Variants in CGNL1 observed in about 807,000 individuals in gnomAD.
The protein encoded by CGNL1 is cingulin like 1, also known as cingulin-like protein 1.
In CGNL1, 132 loss-of-function variants were observed where a neutral mutation model predicts 141.2. The ratio of observed to expected loss-of-function variants is 0.93; its 90% CI spans 0.81 to 1.08. CGNL1 has a LOEUF of 1.08. Among genes scored for constraint, CGNL1 ranks in the 50% least tolerant of loss-of-function variants. The probability of loss-of-function intolerance (pLI) is 0.00; values close to 1 mark genes in which losing one functional copy is unlikely to be tolerated. For synonymous variants in CGNL1, 690 were observed against 622.1 expected (o/e 1.11, Z -1.63); for missense variants, 1,870 against 1,588.6 (o/e 1.18, Z -3.01).
intron 8 of CGNL1, among the ~76,000 whole-genome samples, chr15:57,469,296 A>C (rs995636882): frequency 6.6e-6 from 1 of 151,602 alleles, no homozygotes; most frequent in Non-Finnish European, 1.5e-5. Flanking sequence ...TGGAAAGGCT[A>C]ATGAGTTCAT....
intron 4 of CGNL1, among the ~76,000 whole-genome samples, chr15:57,450,063 G>A (rs762273698): frequency 1.4e-4 from 22 of 152,110 alleles, no homozygotes; most frequent in Non-Finnish European, 2.6e-4. Flanking sequence ...AACTAATTTG[G>A]GTAAACACCC....
At chr15:57,409,037 TCACACACACACACACACA>T (rs59988268) in intron 1 of CGNL1, among the ~76,000 whole-genome samples, 17 of 141,736 alleles carry the variant, frequency 1.2e-4, no homozygotes, top group African/African-American at 4.2e-4. Flanking sequence ...TGAGACTCTG[TCACACACACACACACACA>T]CACACACACA....
At chr15:57,476,224 G>T (rs568430300) in intron 8 of CGNL1, among the ~76,000 whole-genome samples, 1 of 152,256 alleles carries the variant, frequency 6.6e-6, no homozygotes, top group South Asian at 2.1e-4. Context: ...GCCAGGGCGG[G>T]TTCCTAAGAG....
intron 8 of CGNL1, among the ~76,000 whole-genome samples, chr15:57,496,435 T>G (rs1300240581): frequency 6.6e-6 from 1 of 152,150 alleles, no homozygotes; most frequent in African/African-American, 2.4e-5. Flanking sequence ...CTAGGTTGCA[T>G]TCTCGTTATG....
chr15:57,432,004 A>G (rs1355474269), intron 1 of CGNL1, among the ~76,000 whole-genome samples: 1 of 152,168 alleles, frequency 6.6e-6, no homozygotes, highest in Non-Finnish European at 1.5e-5. Context: ...GAGACTCATC[A>G]CCTCTCTACC....
At chr15:57,456,733 G>A (rs1338824745) in intron 7 of CGNL1, among the ~76,000 whole-genome samples, 2 of 151,914 alleles carry the variant, frequency 1.3e-5, no homozygotes, top group Non-Finnish European at 2.9e-5. Flanking sequence ...ACAGGTCAAC[G>A]TGAGACAGCT....
At chr15:57,520,865 TC>T (rs1457897577) in intron 10 of CGNL1, among the ~76,000 whole-genome samples, 4 of 152,148 alleles carry the variant, frequency 2.6e-5, no homozygotes, top group African/African-American at 9.7e-5. Flanking sequence ...AGCTGCCCAT[TC>T]CTTGACACCC....
chr15:57,460,826 A>G (rs768241800), intron 7 of CGNL1, among the ~76,000 whole-genome samples: 4 of 152,322 alleles, frequency 2.6e-5, no homozygotes, highest in Admixed American at 6.5e-5. Context: ...AACCATGTCA[A>G]TAACTGATGG....
intron 8 of CGNL1, among the ~76,000 whole-genome samples, chr15:57,516,345 T>C (rs1221005235): frequency 6.6e-6 from 1 of 152,160 alleles, no homozygotes; most frequent in African/African-American, 2.4e-5. Context: ...TTTCCTCATA[T>C]TTAAGATGGC....
At chr15:57,545,080 C>T (rs1291196012) in intron 16 of CGNL1, among the ~76,000 whole-genome samples, 2 of 152,166 alleles carry the variant, frequency 1.3e-5, no homozygotes, top group African/African-American at 4.8e-5. Flanking sequence ...TCCTTTCCAG[C>T]AACTCAGTTC....
intron 8 of CGNL1, among the ~76,000 whole-genome samples, chr15:57,510,095 T>TA (rs1171034615): frequency 2.0e-5 from 3 of 151,878 alleles, no homozygotes; most frequent in African/African-American, 7.3e-5. Flanking sequence ...TTTTAGCTGG[T>TA]AAAAAATGTG....
intron 2 of CGNL1, among the ~76,000 whole-genome samples, chr15:57,439,861 G>A (rs934830260): frequency 6.6e-6 from 1 of 152,186 alleles, no homozygotes; most frequent in African/African-American, 2.4e-5. Context: ...ACGCTACAGA[G>A]AGGCTCAATT....
intron 7 of CGNL1, among the ~76,000 whole-genome samples, chr15:57,458,822 G>T (rs914224211): frequency 2.6e-5 from 4 of 152,136 alleles, no homozygotes; most frequent in African/African-American, 7.2e-5. Flanking sequence ...CTCTGTGTTT[G>T]GTGCTTTGAA....
intron 8 of CGNL1, among the ~76,000 whole-genome samples, chr15:57,514,552 C>A (rs1030914827): frequency 6.6e-6 from 1 of 151,810 alleles, no homozygotes; most frequent in Admixed American, 6.6e-5. Context: ...TCATTCTGGT[C>A]GTTGTCTTTT....
intron 8 of CGNL1, among the ~76,000 whole-genome samples, chr15:57,467,949 C>T (rs575972941): frequency 2.6e-5 from 4 of 152,038 alleles, no homozygotes; most frequent in Non-Finnish European, 5.9e-5. Context: ...CTTGGCCTGG[C>T]GAAGTACTGG....
chr15:57,513,792 G>A (rs137877608), intron 8 of CGNL1, among the ~76,000 whole-genome samples: 2 of 152,160 alleles, frequency 1.3e-5, no homozygotes, highest in Non-Finnish European at 2.9e-5. Flanking sequence ...AAAGTGCTGG[G>A]ATTACAGGCT....
At chr15:57,377,956 A>G (rs2062383613) in intron 1 of CGNL1, among the ~76,000 whole-genome samples, 1 of 152,238 alleles carries the variant, frequency 6.6e-6, no homozygotes, top group African/African-American at 2.4e-5. Flanking sequence ...AGCCAAAGCT[A>G]ACAACATCCT....
At chr15:57,466,224 T>A (rs1271805640) in intron 8 of CGNL1, among the ~76,000 whole-genome samples, 1 of 152,228 alleles carries the variant, frequency 6.6e-6, no homozygotes, top group Non-Finnish European at 1.5e-5. Context: ...CTGTTTCTGG[T>A]CATTTTACAC....
chr15:57,388,758 G>A (rs1364554100), intron 1 of CGNL1, among the ~76,000 whole-genome samples: 1 of 152,318 alleles, frequency 6.6e-6, no homozygotes, highest in African/African-American at 2.4e-5. Flanking sequence ...AAAGTTCTCC[G>A]AGGGAGAGAA....
Sources: gnomAD v4.1 joint callset for allele counts (sites outside exome capture counted in the v4.1 genomes callset) on GRCh38, gnomAD v4.1.1 for gene constraint, MANE v1.5 for transcripts, NCBI Gene and HGNC (gene_info 2026-07-23, HGNC 2026-07-21) for gene names.